The following SCAPER variants were observed in gnomAD, a reference collection of about 807,000 sequenced individuals.
SCAPER encodes the protein S-phase cyclin A associated protein in the ER, also known as S phase cyclin A-associated protein in the endoplasmic reticulum.
SCAPER carries 98 observed loss-of-function variants against 182.2 expected under a neutral mutation model. The ratio of observed to expected loss-of-function variants is 0.54; its 90% CI spans 0.46 to 0.64. The LOEUF (loss-of-function observed/expected upper bound fraction) is 0.64. Among genes scored for constraint, SCAPER ranks in the 30% least tolerant of loss-of-function variants. The pLI, the probability that SCAPER is intolerant of heterozygous loss-of-function variation, is 0.00. For synonymous variants in SCAPER, 605 were observed against 564.6 expected, an observed-to-expected ratio of 1.07 and a Z score of -1.01; for missense variants, 1,432 against 1,690.0, an observed-to-expected ratio of 0.85 and a Z score of 2.68.
At chr15:76,776,575 T>C (rs546500803) in intron 8 of SCAPER, among the ~76,000 whole-genome samples, 1 of 152,084 alleles carries the variant, frequency 6.6e-6, no homozygotes, top group Non-Finnish European at 1.5e-5. Flanking sequence ...GAAAAAGTAG[T>C]GGGGGGCAGA....
At chr15:76,442,900 G>C (rs974800921) in intron 25 of SCAPER, among the ~76,000 whole-genome samples, 2 of 152,048 alleles carry the variant, frequency 1.3e-5, no homozygotes, top group African/African-American at 4.8e-5. Flanking sequence ...TGAGTATGAA[G>C]TTATTCAAGT....
intron 5 of SCAPER, among the ~76,000 whole-genome samples, chr15:76,813,348 T>TCAATATCA (rs2066820856): frequency 6.7e-6 from 1 of 149,072 alleles, no homozygotes. Context: ...TCAACAGTGA[T>TCAATATCA]CAATATCAAC....
chr15:76,453,664 T>G (rs1319945426), intron 25 of SCAPER, among the ~76,000 whole-genome samples: 1 of 152,156 alleles, frequency 6.6e-6, no homozygotes, highest in Admixed American at 6.5e-5. Context: ...GTGTGCCAGG[T>G]TTTTTCACTA....
chr15:76,779,132 AG>A (rs374759874), intron 8 of SCAPER, among the ~76,000 whole-genome samples: 47 of 152,258 alleles, frequency 3.1e-4, no homozygotes, highest in African/African-American at 1.1e-3. Context: ...AGCAACTGAC[AG>A]AACTATTGAC....
intron 6 of SCAPER, among the ~76,000 whole-genome samples, chr15:76,803,729 T>C (rs773048385): frequency 2.0e-4 from 30 of 152,066 alleles, no homozygotes; most frequent in Middle Eastern, 3.4e-3. Flanking sequence ...CTAATCCCAC[T>C]CATAAGGGCT....
chr15:76,700,337 C>T (rs1380761440), intron 20 of SCAPER, among the ~76,000 whole-genome samples: 1 of 152,160 alleles, frequency 6.6e-6, no homozygotes, highest in Non-Finnish European at 1.5e-5. Flanking sequence ...GACTCCAGTC[C>T]CTGCCACCTC....
intron 5 of SCAPER, among the ~76,000 whole-genome samples, chr15:76,834,179 A>T (rs941849819): frequency 1.8e-4 from 27 of 152,214 alleles, no homozygotes; most frequent in African/African-American, 6.3e-4. Flanking sequence ...ATAAAAACAG[A>T]AATCTATAAT....
intron 5 of SCAPER, among the ~76,000 whole-genome samples, chr15:76,824,843 A>C (rs897044807): frequency 9.8e-5 from 15 of 152,332 alleles, no homozygotes; most frequent in Non-Finnish European, 2.1e-4. Context: ...TCTCCTTTAT[A>C]ATTTAAACCT....
At chr15:76,874,662 T>C (rs1035185005) in intron 2 of SCAPER, among the ~76,000 whole-genome samples, 2 of 152,044 alleles carry the variant, frequency 1.3e-5, no homozygotes, top group Non-Finnish European at 2.9e-5. Context: ...ATATTATAAA[T>C]AAAATTGTAT....
intron 23 of SCAPER, among the ~76,000 whole-genome samples, chr15:76,548,768 T>C (rs988289357): frequency 2.6e-5 from 4 of 152,216 alleles, no homozygotes; most frequent in African/African-American, 9.7e-5. Context: ...CTGGATCCCT[T>C]CCTTACACCT....
At chr15:76,405,369 G>A (rs777445454) in intron 26 of SCAPER, among the ~76,000 whole-genome samples, 1 of 151,554 alleles carries the variant, frequency 6.6e-6, no homozygotes, top group Non-Finnish European at 1.5e-5. Context: ...CTCCTGCCTC[G>A]GCCTCCTAAA....
At position 76,599,748 on chromosome 15, in the gene SCAPER, C is replaced by T. The variant is rs563442736; in HGVS notation, c.2711+22016G>A. Among the ~76,000 whole-genome samples the T allele has an allele frequency of 6.1e-4, 74 of 121,624 alleles. 3 individuals carry two copies. Among genetic ancestry groups the T allele is most frequent in the African/African-American group, 1.9e-3 (74 of 39,902 alleles). The allele number at this position is 121,624 out of a possible 152,430, so 79.8% of individuals were successfully genotyped here. A position where few individuals can be genotyped will look rare whatever the true frequency, so the allele number is the denominator to read the frequency against. On this transcript the variant is annotated intron_variant, in intron 22 of 31. Transcript: ENST00000563290. ...TGAAAGAAAATCAGAATAGTGGTTG[C>T]CTCTTGGGTGGGAGTAAAGGGATTC...
chr15:76,883,072 A>G (rs2073661156), intron 2 of SCAPER, among the ~76,000 whole-genome samples: 1 of 152,236 alleles, frequency 6.6e-6, no homozygotes, highest in South Asian at 2.1e-4. Context: ...TAACTAATTG[A>G]GTAAACACAA....
intron 9 of SCAPER, 57 bp from the exon 10 acceptor site, chr15:76,772,011 T>G: frequency 3.0e-6 from 4 of 1,316,566 alleles, no homozygotes; most frequent in Non-Finnish European, 4.2e-6. Context: ...CTATTCCACT[T>G]TAGAAGAAGA....
At chr15:76,765,488 A>C (rs367793582) in intron 12 of SCAPER, 34 bp from the exon 13 acceptor site, 25 of 1,609,884 alleles carry the variant, frequency 1.6e-5, no homozygotes, top group Non-Finnish European at 2.1e-5. Context: ...TTGTTTAGCC[A>C]CATAGGTCTA....
intron 6 of SCAPER, 36 bp downstream of exon 6, chr15:76,804,497 G>T: frequency 7.2e-7 from 1 of 1,384,810 alleles, no homozygotes. Context: ...TGAAACTGCT[G>T]GATGATAGGA....
Position 76,652,334 on chromosome 15 carries a change from A to ATG in SCAPER, c.2645+13318_2645+13319insCA, listed in dbSNP as rs59866389. ...TACACACACACACACACACACACAT[A>ATG]CACATATATACACACACACACACAC... is the stretch of plus-strand genomic sequence containing the variant. On this transcript the variant is annotated intron_variant, in intron 21 of 31. Transcript: ENST00000563290. Among the ~76,000 whole-genome samples, 3 of 21,236 alleles carry ATG rather than the reference A, an allele frequency of 1.4e-4. 1 individual carries two copies. Among genetic ancestry groups the ATG allele is most frequent in the African/African-American group, 5.2e-4 (3 of 5,742 alleles). The allele number at this position is 21,236 out of a possible 152,430, so 13.9% of individuals were successfully genotyped here.
chr15:76,625,161 G>A (rs2052451481), intron 21 of SCAPER, among the ~76,000 whole-genome samples: 1 of 152,124 alleles, frequency 6.6e-6, no homozygotes, highest in African/African-American at 2.4e-5. Context: ...GAGCTGGGTG[G>A]ATCTGTCATC....
chr15:76,799,801 G>A (rs2065619048), intron 7 of SCAPER, among the ~76,000 whole-genome samples: 1 of 152,098 alleles, frequency 6.6e-6, no homozygotes, highest in South Asian at 2.1e-4. Flanking sequence ...GGTGCTTTTG[G>A]GGTCTTTTGG....
Sources: allele counts gnomAD v4.1 joint callset (sites outside exome capture counted in the v4.1 genomes callset), GRCh38; gene constraint gnomAD v4.1.1; transcripts MANE v1.5; gene names NCBI Gene and HGNC (gene_info 2026-07-23, HGNC 2026-07-21).